Variants in PDSS2 observed in about 807,000 individuals in gnomAD.
PDSS2 encodes all trans-polyprenyl-diphosphate synthase PDSS2.
PDSS2 carries 31 observed loss-of-function variants against 44.5 expected under a neutral mutation model. The ratio of observed to expected loss-of-function variants is 0.70; its 90% CI spans 0.52 to 0.94. The LOEUF (loss-of-function observed/expected upper bound fraction) is 0.94. Ranked by LOEUF, PDSS2 falls within the 40% of genes least tolerant of loss-of-function variation. The pLI is 0.00. For synonymous variants in PDSS2, 157 were observed against 180.3 expected (o/e 0.87, Z 1.03); for missense variants, 452 against 482.2 (o/e 0.94, Z 0.59).
chr6:107,185,105 A>G (rs1373800560), intron 7 of PDSS2, among the ~76,000 whole-genome samples: 2 of 144,224 alleles, frequency 1.4e-5, no homozygotes, highest in African/African-American at 5.2e-5. Flanking sequence ...ACTGGACAAC[A>G]TAGTGAGACC....
intron 4 of PDSS2, among the ~76,000 whole-genome samples, chr6:107,230,687 TAGTG>T (rs1562394017): frequency 6.6e-6 from 1 of 151,538 alleles, no homozygotes; most frequent in Non-Finnish European, 1.5e-5. Flanking sequence ...GTTTTTCTCA[TAGTG>T]ATGAGAAAAA....
At chr6:107,225,173 T>A (rs1223974751) in intron 4 of PDSS2, among the ~76,000 whole-genome samples, 7,902 of 70,028 alleles carry the variant, frequency 0.11, 679 homozygotes, top group African/African-American at 0.22. Context: ...TTTTTTTTTT[T>A]TTTTTTTTTT....
intron 3 of PDSS2, among the ~76,000 whole-genome samples, chr6:107,258,777 T>C (rs966853081): frequency 4.6e-5 from 7 of 152,028 alleles, no homozygotes; most frequent in Non-Finnish European, 8.8e-5. Context: ...CACTCCAGCC[T>C]GGGCAACAGT....
chr6:107,165,327 G>T (rs557225934), intron 7 of PDSS2, among the ~76,000 whole-genome samples: 1 of 152,130 alleles, frequency 6.6e-6, no homozygotes, highest in Non-Finnish European at 1.5e-5. Flanking sequence ...AATCCATCTT[G>T]AATTAATTTT....
chr6:107,337,028 C>T (rs1777921953), intron 1 of PDSS2, among the ~76,000 whole-genome samples: 1 of 114,338 alleles, frequency 8.7e-6, no homozygotes, highest in South Asian at 3.9e-4. Context: ...AGAAATAGGA[C>T]CTTTCACATA....
At chr6:107,397,687 G>A (rs982905826) in intron 1 of PDSS2, among the ~76,000 whole-genome samples, 1 of 152,058 alleles carries the variant, frequency 6.6e-6, no homozygotes, top group Admixed American at 6.5e-5. Flanking sequence ...TGTTTAATAG[G>A]TGTTTCCTCT....
At chr6:107,269,340 C>CTG (rs58803876) in intron 3 of PDSS2, among the ~76,000 whole-genome samples, 4,585 of 143,250 alleles carry the variant, frequency 0.032, 101 homozygotes, top group African/African-American at 0.063. Flanking sequence ...TTTCGTGTGT[C>CTG]TGTGTGTGTG....
chr6:107,405,198 A>T (rs1780272953), intron 1 of PDSS2, among the ~76,000 whole-genome samples: 1 of 152,174 alleles, frequency 6.6e-6, no homozygotes, highest in African/African-American at 2.4e-5. Context: ...AAATTTCATA[A>T]GTGAAGGAGA....
At chr6:107,264,509 A>G (rs1775349054) in intron 3 of PDSS2, 4 of 1,525,722 alleles carry the variant, frequency 2.6e-6, no homozygotes, top group Non-Finnish European at 3.6e-6. Context: ...TTAAATGAAA[A>G]TGACTACAAA....
At chr6:107,206,673 T>TA (rs549790321) in intron 6 of PDSS2, among the ~76,000 whole-genome samples, 2,891 of 146,100 alleles carry the variant, frequency 0.02, 91 homozygotes, top group African/African-American at 0.066. Flanking sequence ...GCTGATGAGC[T>TA]AAAAAAAAAA....
chr6:107,351,291 T>G (rs934818696), intron 1 of PDSS2, among the ~76,000 whole-genome samples: 2 of 152,182 alleles, frequency 1.3e-5, no homozygotes, highest in African/African-American at 4.8e-5. Context: ...TCTAAGATGG[T>G]TTTGTTAACA....
chr6:107,376,870 C>T (rs1390393209), intron 1 of PDSS2, among the ~76,000 whole-genome samples: 4 of 152,042 alleles, frequency 2.6e-5, no homozygotes, highest in Admixed American at 6.6e-5. Context: ...TTCCTTACAC[C>T]TTATACAAAA....
chr6:107,283,429 GAGA>G (rs1235580473), intron 2 of PDSS2, among the ~76,000 whole-genome samples: 1 of 152,074 alleles, frequency 6.6e-6, no homozygotes, highest in African/African-American at 2.4e-5. Context: ...GTTAAAATAG[GAGA>G]AGAATTGTCT....
At chr6:107,288,362 T>A (rs940624294) in intron 2 of PDSS2, among the ~76,000 whole-genome samples, 1 of 152,166 alleles carries the variant, frequency 6.6e-6, no homozygotes, top group Non-Finnish European at 1.5e-5. Flanking sequence ...ATCTCCATTG[T>A]GTAGTTCAGT....
chr6:107,266,716 G>GTTTTTC (rs745397156), intron 3 of PDSS2, among the ~76,000 whole-genome samples: 75 of 152,172 alleles, frequency 4.9e-4, no homozygotes, highest in Admixed American at 9.2e-4. Flanking sequence ...GATATGCTAA[G>GTTTTTC]TTTTTCTTTT....
intron 7 of PDSS2, among the ~76,000 whole-genome samples, chr6:107,189,558 A>C (rs1031994506): frequency 6.6e-6 from 1 of 152,122 alleles, no homozygotes; most frequent in Non-Finnish European, 1.5e-5. Context: ...GGCTGGTCTC[A>C]AACTCCTAAC....
intron 1 of PDSS2, among the ~76,000 whole-genome samples, chr6:107,395,540 G>C (rs977510596): frequency 6.6e-6 from 1 of 151,706 alleles, no homozygotes; most frequent in African/African-American, 2.4e-5. Context: ...TATCTAACTT[G>C]TCTGTAATTT....
At chr6:107,438,019 A>G (rs540058746) in intron 1 of PDSS2, among the ~76,000 whole-genome samples, 7 of 152,214 alleles carry the variant, frequency 4.6e-5, no homozygotes, top group Middle Eastern at 6.8e-3. Context: ...CACCCAGGGA[A>G]AGGTCGCATC....
chr6:107,457,559 A>C (rs1181489683), intron 1 of PDSS2, among the ~76,000 whole-genome samples: 1 of 152,210 alleles, frequency 6.6e-6, no homozygotes, highest in African/African-American at 2.4e-5. Context: ...AAATGCCAGT[A>C]ATGTGCCTCC....
Sources: gnomAD v4.1 joint callset for allele counts (sites outside exome capture counted in the v4.1 genomes callset) on GRCh38, gnomAD v4.1.1 for gene constraint, MANE v1.5 for transcripts, NCBI Gene and HGNC (gene_info 2026-07-23, HGNC 2026-07-21) for gene names.